The following KCNH7 variants were observed in gnomAD, a reference collection of about 807,000 sequenced individuals.
KCNH7 encodes potassium voltage-gated channel subfamily H member 7.
A neutral mutation model predicts 120.8 loss-of-function variants in KCNH7; 49 were observed. The observed-to-expected ratio is 0.41, with a 90% CI of 0.32 to 0.51. The LOEUF (loss-of-function observed/expected upper bound fraction) is 0.51, where lower values mean the gene tolerates loss of function less well. KCNH7 is among the 20% of genes least tolerant of loss of function. The pLI is 0.38. For missense variants in KCNH7, 1,097 were observed against 1,446.6 expected, an observed-to-expected ratio of 0.76 and a Z score of 3.92; for synonymous variants, 547 against 516.1, an observed-to-expected ratio of 1.06 and a Z score of -0.81.
chr2:162,399,310 A>G (rs1206525608), intron 10 of KCNH7, among the ~76,000 whole-genome samples: 2 of 151,630 alleles, frequency 1.3e-5, no homozygotes, highest in Non-Finnish European at 2.9e-5. Flanking sequence ...AAGTACTACA[A>G]GTTCACATGG....
At chr2:162,837,659 TAACA>T (rs1359198368) in intron 1 of KCNH7, among the ~76,000 whole-genome samples, 88 of 152,176 alleles carry the variant, frequency 5.8e-4, no homozygotes, top group Non-Finnish European at 7.4e-5. Context: ...GAAGATAAGT[TAACA>T]AATACAGGAT....
chr2:162,503,273 A>C (rs1278854304), intron 6 of KCNH7, among the ~76,000 whole-genome samples: 1 of 152,036 alleles, frequency 6.6e-6, no homozygotes, highest in African/African-American at 2.4e-5. Context: ...ATAAATAATA[A>C]TACTTTTAAA....
Position 162,379,752 on chromosome 2 carries a change from T to A in KCNH7, c.3131+101A>T, listed in dbSNP as rs182030607. ...TAAATAAGTAAATGTATAAGGAAAT[T>A]ATGAGATCATGGCAAGGAGAATTTT... is the stretch of plus-strand genomic sequence containing the variant. On this transcript the variant is annotated intron_variant, in intron 14 of 15. Coordinates refer to ENST00000332142, the MANE Select transcript of KCNH7 (RefSeq NM_033272.4). 13 of 1,118,320 alleles carry A rather than the reference T, an allele frequency of 1.2e-5. No homozygotes were observed. In the African/African-American group the frequency reaches 1.6e-4, roughly 13 times the overall value. The allele number at this position is 1,118,320 out of a possible 1,614,324, so 69.3% of individuals were successfully genotyped here.
intron 7 of KCNH7, 33 bp downstream of exon 7, chr2:162,445,985 T>C (rs1488218532): frequency 6.6e-7 from 1 of 1,513,082 alleles, no homozygotes; most frequent in African/African-American, 1.4e-5. Context: ...AATTGCAATC[T>C]TTCAGAAAAT....
In KCNH7 at chr2:162,739,553, C is replaced by T. The variant is rs79847314; in HGVS notation, c.307+96984G>A. Among the ~76,000 whole-genome samples, 373 of 152,272 alleles carry T rather than the reference C, an allele frequency of 2.4e-3. 4 individuals are homozygous for T. Among genetic ancestry groups the T allele is most frequent in the South Asian group, 0.019 (94 of 4,828 alleles). On this transcript the variant is annotated intron_variant, in intron 2 of 15. Transcript: ENST00000332142. The stretch of plus-strand genomic sequence containing the variant: ...TGTTGCTGGCCTCTGGAATACATTG[C>T]TCCAGGTCCTACATGGGGCCCAGTC...
In KCNH7 at chr2:162,423,360, GT is replaced by G. The variant is rs1284729559; in HGVS notation, c.2129del (p.Tyr710SerfsTer7). 6.2e-7 allele frequency: 1 copy of G among 1,614,000 alleles called. No individual in the cohort carries two copies. On this transcript the variant is annotated frameshift_variant, in exon 9 of 16. Transcript: ENST00000332142. LOFTEE classifies it high-confidence loss of function. ...LEEYFQHAWT[Y>X]TNGIDMNMVL... ...CCATGTTCATGTCAATGCCATTGGT[GT>G]AAGTCCATGCGTGCTGGAAATATTC...
At chr2:162,491,584 G>C (rs533697392) in intron 6 of KCNH7, among the ~76,000 whole-genome samples, 1 of 152,306 alleles carries the variant, frequency 6.6e-6, no homozygotes, top group African/African-American at 2.4e-5. Flanking sequence ...GCAGGAAGGA[G>C]TCTGCGTGTA....
At chr2:162,765,874 C>T (rs979781623) in intron 2 of KCNH7, among the ~76,000 whole-genome samples, 1 of 152,124 alleles carries the variant, frequency 6.6e-6, no homozygotes, top group Non-Finnish European at 1.5e-5. Context: ...ATCCTCCGGC[C>T]TCAGCCTCCC....
chr2:162,418,370 T>C (rs1312303958), intron 9 of KCNH7, among the ~76,000 whole-genome samples: 2 of 152,148 alleles, frequency 1.3e-5, no homozygotes, highest in African/African-American at 4.8e-5. Flanking sequence ...GGTCATGGAC[T>C]GTATTTATCA....
chr2:162,526,795 C>A (rs1403146386), intron 3 of KCNH7, among the ~76,000 whole-genome samples: 1 of 151,988 alleles, frequency 6.6e-6, no homozygotes, highest in Non-Finnish European at 1.5e-5. Context: ...GGACATACAT[C>A]CTCCTCAGCT....
chr2:162,514,991 T>TA (rs1347319137), intron 4 of KCNH7, among the ~76,000 whole-genome samples: 7 of 151,792 alleles, frequency 4.6e-5, no homozygotes, highest in African/African-American at 1.7e-4. Context: ...TTCATAAAAC[T>TA]AAAATCACTT....
chr2:162,558,053 T>C (rs908712933), intron 2 of KCNH7, among the ~76,000 whole-genome samples: 3 of 152,224 alleles, frequency 2.0e-5, no homozygotes, highest in Admixed American at 2.0e-4. Context: ...TATTACCTGC[T>C]TTGAGCTTAC....
chr2:162,628,356 CT>C (rs1436122509), intron 2 of KCNH7, among the ~76,000 whole-genome samples: 1 of 152,120 alleles, frequency 6.6e-6, no homozygotes, highest in East Asian at 1.9e-4. Flanking sequence ...TTTGTGATGC[CT>C]TAGTTTCTGA....
At chr2:162,466,761 C>T (rs949322039) in intron 6 of KCNH7, among the ~76,000 whole-genome samples, 3 of 152,062 alleles carry the variant, frequency 2.0e-5, no homozygotes, top group Admixed American at 1.3e-4. Flanking sequence ...TGCCACTCAG[C>T]TAAAATACTC....
intron 9 of KCNH7, among the ~76,000 whole-genome samples, chr2:162,419,343 G>T (rs1377150033): frequency 6.7e-6 from 1 of 149,360 alleles, no homozygotes; most frequent in Non-Finnish European, 1.5e-5. Flanking sequence ...ACTGTTTCTG[G>T]ATTACCTGAG....
At chr2:162,392,442 C>A (rs1686772976) in intron 12 of KCNH7, among the ~76,000 whole-genome samples, 1 of 151,524 alleles carries the variant, frequency 6.6e-6, no homozygotes. Context: ...TAGATGATCT[C>A]TTCTAGAAAG....
At chr2:162,640,809 A>G (rs1418640957) in intron 2 of KCNH7, among the ~76,000 whole-genome samples, 1 of 152,176 alleles carries the variant, frequency 6.6e-6, no homozygotes, top group African/African-American at 2.4e-5. Flanking sequence ...TAGAATATGT[A>G]AAGACCTCTC....
chr2:162,664,118 T>C (rs1241406286), intron 2 of KCNH7, among the ~76,000 whole-genome samples: 5 of 152,126 alleles, frequency 3.3e-5, no homozygotes, highest in African/African-American at 1.2e-4. Context: ...TCCATGTCAT[T>C]CCCCCTCCTC....
At chr2:162,383,362 C>T (rs1356168357) in intron 13 of KCNH7, among the ~76,000 whole-genome samples, 1 of 151,902 alleles carries the variant, frequency 6.6e-6, no homozygotes. Flanking sequence ...ATTTAATATT[C>T]CATTCTTCCA....
Sources: allele counts gnomAD v4.1 joint callset (sites outside exome capture counted in the v4.1 genomes callset), GRCh38; gene constraint gnomAD v4.1.1; transcripts MANE v1.5; gene names NCBI Gene and HGNC (gene_info 2026-07-23, HGNC 2026-07-21).